Variants in ZFHX3 observed in about 807,000 individuals in gnomAD.
ZFHX3 encodes zinc finger homeobox 3.
A neutral mutation model predicts 279.1 loss-of-function variants in ZFHX3; 42 were observed. The ratio of observed to expected loss-of-function variants is 0.15; its 90% CI spans 0.12 to 0.19. The LOEUF (loss-of-function observed/expected upper bound fraction) is 0.19, where lower values mean the gene tolerates loss of function less well. ZFHX3 is among the 10% of genes least tolerant of loss of function. ZFHX3 has a pLI of 1.00. For synonymous variants in ZFHX3, 2,293 were observed against 1,957.8 expected (o/e 1.17, Z -4.52); for missense variants, 4,981 against 4,754.0 (o/e 1.05, Z -1.40).
chr16:73,667,904 G>C (rs1235843047), intron 2 of ZFHX3, among the ~76,000 whole-genome samples: 1 of 152,156 alleles, frequency 6.6e-6, no homozygotes, highest in Non-Finnish European at 1.5e-5. Flanking sequence ...TGAAGAACCA[G>C]TTCAAGTGCC....
intron 2 of ZFHX3, among the ~76,000 whole-genome samples, chr16:73,612,215 T>A (rs1457673391): frequency 1.3e-5 from 2 of 152,078 alleles, no homozygotes; most frequent in Non-Finnish European, 2.9e-5. Flanking sequence ...ATTTTTTTTT[T>A]AAAGGGCAAT....
At chr16:72,977,525 C>G (rs1208009867) in intron 1 of ZFHX3, among the ~76,000 whole-genome samples, 1 of 152,118 alleles carries the variant, frequency 6.6e-6, no homozygotes, top group African/African-American at 2.4e-5. Flanking sequence ...TCTTAGAAGT[C>G]TATGTACAAC....
At chr16:72,806,800 G>C (rs1237044664) in intron 7 of ZFHX3, among the ~76,000 whole-genome samples, 1 of 152,070 alleles carries the variant, frequency 6.6e-6, no homozygotes, top group African/African-American at 2.4e-5. Context: ...AAACTGTGCA[G>C]GTACAAAAAA....
intron 2 of ZFHX3, among the ~76,000 whole-genome samples, chr16:73,480,052 C>T (rs1274448125): frequency 6.6e-6 from 1 of 152,192 alleles, no homozygotes; most frequent in East Asian, 1.9e-4. Flanking sequence ...TCAAGGACTC[C>T]TCAGTTCATT....
intron 3 of ZFHX3, among the ~76,000 whole-genome samples, chr16:73,437,211 G>T (rs138943297): frequency 1.3e-5 from 2 of 152,166 alleles, no homozygotes; most frequent in Non-Finnish European, 2.9e-5. Context: ...ACCTAATACC[G>T]TATTTTGCAG....
At chr16:73,849,416 T>C (rs1961537746) in intron 1 of ZFHX3, among the ~76,000 whole-genome samples, 2 of 152,222 alleles carry the variant, frequency 1.3e-5, no homozygotes, top group South Asian at 4.1e-4. Context: ...AATGTGTTAG[T>C]TCTCTCCCGC....
intron 8 of ZFHX3, chr16:73,081,100 A>G (rs898318819): frequency 2.6e-5 from 4 of 152,182 alleles, no homozygotes; most frequent in East Asian, 1.9e-4. Flanking sequence ...ATCTTGCAAC[A>G]TATGATGTCA....
At chr16:72,947,970 C>A (rs114988878) in intron 3 of ZFHX3, among the ~76,000 whole-genome samples, 202 of 152,328 alleles carry the variant, frequency 1.3e-3, no homozygotes, top group African/African-American at 4.7e-3. Flanking sequence ...CACCTCCAAT[C>A]CCCACCCCAA....
intron 3 of ZFHX3, among the ~76,000 whole-genome samples, chr16:73,360,680 G>A (rs1199397479): frequency 6.6e-6 from 1 of 152,230 alleles, no homozygotes; most frequent in Non-Finnish European, 1.5e-5. Flanking sequence ...TGTGTTCAGA[G>A]CTGGCACTGT....
chr16:73,383,247 G>C (rs1232287869), intron 3 of ZFHX3, among the ~76,000 whole-genome samples: 1 of 152,188 alleles, frequency 6.6e-6, no homozygotes, highest in Non-Finnish European at 1.5e-5. Flanking sequence ...TAGGAAGTGG[G>C]TTTGGAAACT....
chr16:73,249,032 C>G (rs2013398907), intron 5 of ZFHX3, among the ~76,000 whole-genome samples: 2 of 152,298 alleles, frequency 1.3e-5, no homozygotes, highest in African/African-American at 2.4e-5. Flanking sequence ...TCTTCAGAGA[C>G]AAGCTCACAA....
chr16:73,846,332 T>C (rs1194591270), intron 1 of ZFHX3, among the ~76,000 whole-genome samples: 2 of 152,150 alleles, frequency 1.3e-5, no homozygotes, highest in Non-Finnish European at 2.9e-5. Flanking sequence ...CCTCTCTGAG[T>C]ATCTGCCTAA....
chr16:73,651,911 A>C (rs1904831), intron 2 of ZFHX3, among the ~76,000 whole-genome samples: 146,522 of 150,744 alleles, frequency 0.97, 71,235 homozygotes, highest in East Asian at 1. Flanking sequence ...GATAGCCACA[A>C]TGGAAGTCAA....
At chr16:72,983,661 C>G (rs1031445221) in intron 1 of ZFHX3, among the ~76,000 whole-genome samples, 2 of 151,886 alleles carry the variant, frequency 1.3e-5, no homozygotes, top group East Asian at 1.9e-4. Flanking sequence ...GAGCTATGAA[C>G]GTGCCCCTGC....
intron 2 of ZFHX3, among the ~76,000 whole-genome samples, chr16:73,601,253 C>T (rs141309156): frequency 0.019 from 2,776 of 149,880 alleles, 104 homozygotes; most frequent in African/African-American, 0.066. Flanking sequence ...GAGATTGAAA[C>T]CATCCTGGCC....
rs142005515 is a variant in ZFHX3 at position 73,479,185 on chromosome 16, T to A, written c.-1546-22927A>T. Among the ~76,000 whole-genome samples, 44 of 152,312 alleles carry A rather than the reference T, an allele frequency of 2.9e-4. No individual in the cohort carries two copies. In the East Asian group the frequency reaches 7.5e-3, roughly 26 times the overall value. On this transcript the variant is annotated intron_variant, in intron 2 of 17. Coordinates refer to the ZFHX3 transcript ENST00000641206. ...CATGAGCTTGAAGATGGAAGCCACC[T>A]GTTCAAGAGAGATGTTCAGAAAAAT...
intron 5 of ZFHX3, among the ~76,000 whole-genome samples, chr16:73,202,847 C>T (rs554127007): frequency 6.2e-4 from 94 of 152,066 alleles, no homozygotes; most frequent in Non-Finnish European, 1.1e-3. Context: ...CTTTTATCCC[C>T]AGCCCTCCTG....
intron 3 of ZFHX3, among the ~76,000 whole-genome samples, chr16:72,945,078 A>G (rs1230126472): frequency 1.3e-5 from 2 of 152,264 alleles, no homozygotes; most frequent in South Asian, 4.2e-4. Flanking sequence ...TGCTCTAACC[A>G]GAGTGACCCA....
rs926456544 is a variant in ZFHX3, at chr16:73,643,527, G to A, written c.-1547+36653C>T. On this transcript the variant is annotated intron_variant, in intron 2 of 17. Coordinates refer to the ZFHX3 transcript ENST00000641206. The stretch of plus-strand genomic sequence containing the variant: ...TTAAAAAATGCTATATACATTTGCA[G>A]TCAATGACATCTTGAACTATGCTTT... 2.6e-5 allele frequency among the ~76,000 whole-genome samples: 4 copies of A among 152,232 alleles called. No homozygotes were observed. In the East Asian group the frequency reaches 5.8e-4, roughly 22 times the overall value.
Sources: gnomAD v4.1 joint callset for allele counts (sites outside exome capture counted in the v4.1 genomes callset) on GRCh38, gnomAD v4.1.1 for gene constraint, MANE v1.5 for transcripts, NCBI Gene and HGNC (gene_info 2026-07-23, HGNC 2026-07-21) for gene names.